Variants in SYNE1 observed in about 807,000 individuals in gnomAD.
SYNE1 encodes spectrin repeat containing nuclear envelope protein 1.
Under a neutral mutation model 1,111.0 loss-of-function variants are expected in SYNE1, and 616 were observed. The ratio of observed to expected loss-of-function variants is 0.55; its 90% CI spans 0.52 to 0.59. The LOEUF (loss-of-function observed/expected upper bound fraction) is 0.59. Among genes scored for constraint, SYNE1 ranks in the 20% least tolerant of loss-of-function variants. The pLI is 0.00. For synonymous variants in SYNE1, 3,855 were observed against 3,825.8 expected (o/e 1.01, Z -0.28); for missense variants, 10,006 against 10,417.0 (o/e 0.96, Z 1.72).
At chr6:152,472,517 T>G in intron 14 of SYNE1, 104 bp from the exon 15 acceptor site, 2 of 1,053,572 alleles carry the variant, frequency 1.9e-6, no homozygotes, top group South Asian at 1.3e-5. Flanking sequence ...TATTCAACAA[T>G]TTGATCCCGC....
chr6:152,549,440 C>A (rs2099329494), intron 3 of SYNE1, among the ~76,000 whole-genome samples: 1 of 152,192 alleles, frequency 6.6e-6, no homozygotes, highest in Non-Finnish European at 1.5e-5. Context: ...AAGGCATTTA[C>A]ATGTGTGGGG....
intron 89 of SYNE1, 56 bp from the exon 90 acceptor site, chr6:152,310,073 A>G: frequency 1.9e-6 from 3 of 1,547,482 alleles, no homozygotes; most frequent in Non-Finnish European, 2.6e-6. Flanking sequence ...TTATTTCATA[A>G]GCAAAAGGCA....
chr6:152,215,288 TTA>T (rs1391674689), intron 121 of SYNE1, among the ~76,000 whole-genome samples: 2 of 152,220 alleles, frequency 1.3e-5, no homozygotes, highest in Non-Finnish European at 2.9e-5. Context: ...AAGCTACTCA[TTA>T]TCCTTTATGG....
chr6:152,456,795 A>G (rs996569126), intron 22 of SYNE1: 2 of 436,618 alleles, frequency 4.6e-6, no homozygotes, highest in African/African-American at 4.1e-5. Flanking sequence ...GCATTTCAGT[A>G]TCCTCAACTG....
chr6:152,170,637 C>T (rs868694237), intron 130 of SYNE1, among the ~76,000 whole-genome samples: 9 of 152,332 alleles, frequency 5.9e-5, no homozygotes, highest in Admixed American at 1.3e-4. Flanking sequence ...TGACCTCCAA[C>T]GTGGGTAGAA....
intron 6 of SYNE1, among the ~76,000 whole-genome samples, chr6:152,515,732 T>A (rs1291794360): frequency 6.6e-6 from 1 of 152,182 alleles, no homozygotes; most frequent in African/African-American, 2.4e-5. Context: ...GGTCAGTGGT[T>A]GGCTCTCTGT....
chr6:152,185,644 A>G (rs1467525961), intron 128 of SYNE1, among the ~76,000 whole-genome samples: 1 of 152,236 alleles, frequency 6.6e-6, no homozygotes, highest in Non-Finnish European at 1.5e-5. Context: ...TCAACATGGA[A>G]AGTTTCTAAA....
At chr6:152,351,234 T>C (rs1033060231) in intron 70 of SYNE1, among the ~76,000 whole-genome samples, 23 of 152,194 alleles carry the variant, frequency 1.5e-4, no homozygotes, top group African/African-American at 5.3e-4. Flanking sequence ...AAGAACTCAG[T>C]GGCCAGGAGG....
At chr6:152,323,836 T>A in intron 81 of SYNE1, 99 bp from the exon 82 acceptor site, 1 of 1,357,214 alleles carries the variant, frequency 7.4e-7, no homozygotes, top group Non-Finnish European at 1.0e-6. Flanking sequence ...TGAAGCCAAT[T>A]AAAGATGATG....
chr6:152,234,120 C>G (rs558577473), intron 111 of SYNE1, among the ~76,000 whole-genome samples, 157 bp from the exon 112 acceptor site: 1 of 152,110 alleles, frequency 6.6e-6, no homozygotes, highest in Non-Finnish European at 1.5e-5. Context: ...CCCTTGCCCT[C>G]GAATGAAAGG....
chr6:152,492,523 C>A (rs2098976442), intron 11 of SYNE1, among the ~76,000 whole-genome samples: 1 of 152,166 alleles, frequency 6.6e-6, no homozygotes, highest in South Asian at 2.1e-4. Context: ...AAGGAATGAC[C>A]ACAGCCTGGG....
chr6:152,583,887 A>G (rs969635672), intron 3 of SYNE1, among the ~76,000 whole-genome samples: 3 of 152,200 alleles, frequency 2.0e-5, no homozygotes, highest in Admixed American at 2.0e-4. Flanking sequence ...AGTCCTAACA[A>G]ATATGTTTAT....
rs545059651 is a variant in SYNE1, at chr6:152,451,216, T to C, written c.3028-11A>G. On this transcript the variant is annotated splice_polypyrimidine_tract_variant and intron_variant, in intron 25 of 145. Coordinates refer to ENST00000367255, the MANE Select transcript of SYNE1 (RefSeq NM_182961.4). ...TTCTCCTTGAAGATCCTACATTCCA[T>C]AGGAAGATTCAGAAAATTAGGATGA... 6 of 1,613,382 alleles carry C rather than the reference T, an allele frequency of 3.7e-6. No homozygotes were observed. The highest frequency in any genetic ancestry group is 1.1e-5 in the South Asian group (1 of 91,068).
chr6:152,479,781 C>A (rs9383622), intron 14 of SYNE1, among the ~76,000 whole-genome samples: 78,650 of 151,614 alleles, frequency 0.52, 22,114 homozygotes, highest in East Asian at 0.76. Context: ...TTGCAGAATA[C>A]ATAAGTTCTT....
chr6:152,268,209 T>A (rs755482930), intron 99 of SYNE1, 44 bp from the exon 100 acceptor site: 2 of 1,470,460 alleles, frequency 1.4e-6, no homozygotes, highest in East Asian at 2.3e-5. Flanking sequence ...TGCTACTTTA[T>A]GATTATTGCC....
intron 98 of SYNE1, among the ~76,000 whole-genome samples, chr6:152,270,710 G>A (rs2153684413): frequency 6.6e-6 from 1 of 152,314 alleles, no homozygotes; most frequent in African/African-American, 2.4e-5. Flanking sequence ...AGCCAGATGA[G>A]GGCCCTGGTG....
chr6:152,464,838 A>G (rs1593247584), intron 18 of SYNE1: 1 of 261,350 alleles, frequency 3.8e-6, no homozygotes, highest in East Asian at 9.6e-5. Context: ...AAAATCCAAA[A>G]CAGAATATCT....
chr6:152,223,604 C>T (rs1168091000), intron 117 of SYNE1, among the ~76,000 whole-genome samples: 5 of 146,362 alleles, frequency 3.4e-5, no homozygotes, highest in African/African-American at 5.1e-5. Context: ...GGCGACAGAG[C>T]GAGACTCTGT....
At chr6:152,527,682 C>G (rs1357101959) in intron 4 of SYNE1, among the ~76,000 whole-genome samples, 2 of 152,116 alleles carry the variant, frequency 1.3e-5, no homozygotes, top group Non-Finnish European at 2.9e-5. Context: ...ATGTTTGATA[C>G]ATTCAGTGAG....
Sources: allele counts gnomAD v4.1 joint callset (sites outside exome capture counted in the v4.1 genomes callset), GRCh38; gene constraint gnomAD v4.1.1; transcripts MANE v1.5; gene names NCBI Gene and HGNC (gene_info 2026-07-23, HGNC 2026-07-21).